FAM186A: variants seen among roughly 807,000 people sequenced by gnomAD.
FAM186A encodes the protein protein FAM186A.
A neutral mutation model predicts 216.8 loss-of-function variants in FAM186A; 163 were observed. The observed-to-expected ratio is 0.75, with a 90% CI of 0.66 to 0.86. The LOEUF is 0.86. Among genes scored for constraint, FAM186A ranks in the 40% least tolerant of loss-of-function variants. FAM186A has a pLI of 0.00. For synonymous variants in FAM186A, 805 were observed against 1,025.3 expected, an observed-to-expected ratio of 0.79 and a Z score of 4.10; for missense variants, 2,184 against 2,746.2, an observed-to-expected ratio of 0.80 and a Z score of 4.58.
chr12:50,338,459 C>G (rs1020075356), intron 4 of FAM186A, among the ~76,000 whole-genome samples: 5 of 152,160 alleles, frequency 3.3e-5, no homozygotes, highest in Non-Finnish European at 7.4e-5. Flanking sequence ...CCTCAGCCTC[C>G]CAAAGTGCTG....
intron 1 of FAM186A, among the ~76,000 whole-genome samples, chr12:50,380,621 G>C (rs886482943): frequency 1.3e-5 from 2 of 151,608 alleles, no homozygotes; most frequent in Non-Finnish European, 2.9e-5. Context: ...GCTTGAACCT[G>C]GGAGGTGGAG....
At chr12:50,340,601 G>C (rs1403087825) in intron 4 of FAM186A, among the ~76,000 whole-genome samples, 1 of 151,492 alleles carries the variant, frequency 6.6e-6, no homozygotes, top group East Asian at 2.0e-4. Flanking sequence ...CTTCGGCCCA[G>C]GAGTTTGGCG....
At chr12:50,338,871 T>G (rs1019578831) in intron 4 of FAM186A, among the ~76,000 whole-genome samples, 5 of 152,262 alleles carry the variant, frequency 3.3e-5, no homozygotes, top group Non-Finnish European at 5.9e-5. Flanking sequence ...AGCCCCTGTA[T>G]GCACATAACT....
chr12:50,348,715 T>G (rs1023708831), intron 4 of FAM186A, among the ~76,000 whole-genome samples: 1 of 151,390 alleles, frequency 6.6e-6, no homozygotes, highest in Non-Finnish European at 1.5e-5. Context: ...CGTGCCACCA[T>G]GCCCGGCTAA....
chr12:50,357,929 GA>G lies in FAM186A; in HGVS notation c.584-1682del, dbSNP rs920635497. Among the ~76,000 whole-genome samples, 130 of 152,082 alleles carry G rather than the reference GA, an allele frequency of 8.5e-4. 1 individual carries two copies. The highest frequency in any genetic ancestry group is 3.0e-3 in the African/African-American group (126 of 41,474). On this transcript the variant is annotated intron_variant, in intron 3 of 7. Coordinates refer to ENST00000327337, the MANE Select transcript of FAM186A (RefSeq NM_001145475.3). ...GGAGGCAGACATTGCAGTGAGTCGA[GA>G]TCACGCCACTGCACTCCAGCCTGGG...
At chr12:50,371,819 AT>A (rs557646657) in intron 1 of FAM186A, among the ~76,000 whole-genome samples, 1,784 of 148,708 alleles carry the variant, frequency 0.012, 32 homozygotes, top group African/African-American at 0.039. Flanking sequence ...ACCACAATTA[AT>A]TTTTTTTTTT....
Position 50,353,640 on chromosome 12 carries a change from A to G in FAM186A, c.3192T>C (p.Ile1064=). The change falls in exon 4 of 8, where the codon ATT becomes ATC. Residue 1064 remains isoleucine (I), a synonymous_variant. Coordinates refer to ENST00000327337, the MANE Select transcript of FAM186A (RefSeq NM_001145475.3). ...LQYSLPGALP[I]SGQPLTKCIH... is the part of the protein sequence containing the mutation. ...TGCATTTAGTGAGAGGCTGGCCAGA[A>G]ATAGGAAGAGCTCCAGGCAGGGAGT... The G allele has an allele frequency of 6.5e-7, 1 of 1,534,340 alleles. No homozygotes were observed. The highest frequency in any genetic ancestry group is 8.8e-7 in the Non-Finnish European group (1 of 1,140,268).
In FAM186A at chr12:50,355,935, C is replaced by T; in HGVS notation, c.897G>A (p.Lys299=). Residue 299 remains lysine (K), a synonymous_variant, in exon 4 of 8, where the codon AAG becomes AAA. Transcript: ENST00000327337. ...VYAHETSEAE[K]ELSLKIIRDL... is the part of the protein sequence containing the mutation. The stretch of plus-strand genomic sequence containing the variant: ...CTCGTATTATCTTCAGAGAGAGCTC[C>T]TTTTCTGCTTCACTTGTCTCATGTG... The T allele has an allele frequency of 5.2e-6, 8 of 1,551,440 alleles. No homozygotes were observed. In the South Asian group the frequency reaches 5.9e-5, roughly 12 times the overall value.
At chr12:50,339,758 A>G (rs1310108256) in intron 4 of FAM186A, among the ~76,000 whole-genome samples, 1 of 151,284 alleles carries the variant, frequency 6.6e-6, no homozygotes, top group Non-Finnish European at 1.5e-5. Context: ...ACACACACAC[A>G]CACACACACA....
At position 50,353,691 on chromosome 12, in the gene FAM186A, T is replaced by A; in HGVS notation, c.3141A>T (p.Ser1047=). The A allele has an allele frequency of 2.0e-6, 3 of 1,537,408 alleles. No homozygotes were observed. Among genetic ancestry groups the A allele is most frequent in the Non-Finnish European group, 2.6e-6 (3 of 1,142,182 alleles). The change falls in exon 4 of 8, where the codon TCA becomes TCT. Residue 1047 remains serine (S), a synonymous_variant. Transcript: ENST00000327337. ...ATTGTAGGGAGGGGGGAGGTGTGATTGATATGGGCTCCTTTTCATCAGGAA... is the reference window on the plus strand; with the variant it reads ...ATTGTAGGGAGGGGGGAGGTGTGATAGATATGGGCTCCTTTTCATCAGGAA... ...ENLPDEKEPI[S]ITPPPSLQYS...
In FAM186A at chr12:50,351,746, C is replaced by T; in HGVS notation, c.5086G>A (p.Ala1696Thr). 3.2e-6 allele frequency: 5 copies of T among 1,551,430 alleles called. No homozygotes were observed. The highest frequency in any genetic ancestry group is 4.4e-6 in the Non-Finnish European group (5 of 1,146,814). The change falls in exon 4 of 8, where the codon GCC (alanine) becomes ACC (threonine). Residue 1696 changes from alanine to threonine, a missense_variant. Ala to Thr is a moderately conservative substitution (Grantham distance 58). This residue lies in a region of FAM186A where 721 missense variants were observed against 816.4 expected (regional missense o/e 0.88). Coordinates refer to ENST00000327337, the MANE Select transcript of FAM186A (RefSeq NM_001145475.3). ...KLGVPLTLDK[A>T]HTLGSPLTLK... ...GTGAGGGGCGATCCCAAGGTATGGGCTTTATCTAAGGTGAGAGGAACCCCT... is the reference window on the plus strand; with the variant it reads ...GTGAGGGGCGATCCCAAGGTATGGGTTTTATCTAAGGTGAGAGGAACCCCT...
chr12:50,355,955 C>A lies in FAM186A; in HGVS notation c.877G>T (p.Glu293Ter). ...AGCTCCTTTTCTGCTTCACTTGTCTCATGTGCATACACAGTGGAACTTTGG... is the reference window on the plus strand; with the variant it reads ...AGCTCCTTTTCTGCTTCACTTGTCTAATGTGCATACACAGTGGAACTTTGG... ...NFQSSTVYAH[E>*]TSEAEKELSL... The change falls in exon 4 of 8, where the codon GAG becomes TAG. Residue 293 changes from glutamate to a stop codon, truncating the protein, a stop_gained. Transcript: ENST00000327337. LOFTEE classifies it high-confidence loss of function. 6.4e-7 allele frequency: 1 copy of A among 1,551,568 alleles called. No homozygotes were observed. The highest frequency in any genetic ancestry group is 8.7e-7 in the Non-Finnish European group (1 of 1,146,976).
chr12:50,368,281 A>T (rs1943109868), intron 1 of FAM186A, among the ~76,000 whole-genome samples: 1 of 151,954 alleles, frequency 6.6e-6, no homozygotes, highest in Non-Finnish European at 1.5e-5. Context: ...GGCATTTATA[A>T]TCCCAGCTAC....
chr12:50,390,262 AC>A (rs780065435), intron 1 of FAM186A, among the ~76,000 whole-genome samples: 1 of 152,080 alleles, frequency 6.6e-6, no homozygotes, highest in African/African-American at 2.4e-5. Flanking sequence ...TTCCCAATGC[AC>A]ACTCTGTTAC....
rs144495292 is a variant in FAM186A at position 50,354,898 on chromosome 12, C to T, written c.1934G>A (p.Arg645Lys). 1 of 1,550,674 alleles carries T rather than the reference C, an allele frequency of 6.4e-7. No homozygotes were observed. The highest frequency in any genetic ancestry group is 2.4e-5 in the East Asian group (1 of 40,914). ...AGATTCTGAAGTCTCTTTAGCCACT[C>T]TTGAGAGTGATTTAACAAGTTGATG... ...KSHQLVKSLSRVAKETSESTR... is the reference protein window; with the variant it reads ...KSHQLVKSLSKVAKETSESTR... Residue 645 changes from arginine to lysine, a missense_variant, in exon 4 of 8, where the codon AGA (arginine) becomes AAA (lysine). Arg to Lys is a conservative substitution (Grantham distance 26). Transcript: ENST00000327337.
rs529329687 is a variant in FAM186A, at chr12:50,357,858, A to G, written c.584-1610T>C. ...CTTGGAGCAAAGCCTGGAAAAGCCC[A>G]TGCCTAGTGGCATTGTCGGCTGAGG... On this transcript the variant is annotated intron_variant, in intron 3 of 7. Coordinates refer to ENST00000327337, the MANE Select transcript of FAM186A (RefSeq NM_001145475.3). Among the ~76,000 whole-genome samples the G allele has an allele frequency of 1.7e-4, 26 of 152,228 alleles. 1 individual carries two copies. In the South Asian group the frequency reaches 5.4e-3, roughly 32 times the overall value.
intron 2 of FAM186A, among the ~76,000 whole-genome samples, chr12:50,362,607 G>A (rs543249728): frequency 1.3e-5 from 2 of 152,058 alleles, no homozygotes; most frequent in East Asian, 1.9e-4. Context: ...AGCCGGGCGT[G>A]GTGCTGCATG....
chr12:50,345,573 C>T (rs187058379), intron 4 of FAM186A, among the ~76,000 whole-genome samples: 26 of 152,310 alleles, frequency 1.7e-4, no homozygotes, highest in Admixed American at 9.2e-4. Flanking sequence ...TATGGCCAGC[C>T]AGCTGTCCCA....
Position 50,354,359 on chromosome 12 carries a change from G to T in FAM186A, c.2473C>A (p.Gln825Lys). The T allele has an allele frequency of 6.4e-7, 1 of 1,551,502 alleles. No individual in the cohort carries two copies. The highest frequency in any genetic ancestry group is 8.7e-7 in the Non-Finnish European group (1 of 1,146,986). Residue 825 changes from glutamine to lysine, a missense_variant, in exon 4 of 8, where the codon CAA (glutamine) becomes AAA (lysine). Gln to Lys is a moderately conservative substitution (Grantham distance 53). Transcript: ENST00000327337. ...TGTTCTTGACCCTCTTGCAAATATT[G>T]CTCCTGCCTTTGTTTTTCCTTCTCC... ...HKEKEKQRQE[Q>K]YLQEGQEQMS...
Sources: gnomAD v4.1 joint callset for allele counts (sites outside exome capture counted in the v4.1 genomes callset) on GRCh38, gnomAD v4.1.1 for gene constraint, gnomAD v4.1.1 regional missense constraint, MANE v1.5 for transcripts, NCBI Gene and HGNC (gene_info 2026-07-23, HGNC 2026-07-21) for gene names.